PRDM16: variants seen among roughly 807,000 people sequenced by gnomAD.
PRDM16 encodes PR/SET domain 16.
PRDM16 carries 23 observed loss-of-function variants against 110.6 expected under a neutral mutation model. The ratio of observed to expected loss-of-function variants is 0.21; its 90% CI spans 0.15 to 0.29. The LOEUF is 0.29. Among genes scored for constraint, PRDM16 ranks in the 10% least tolerant of loss-of-function variants. The pLI is 1.00. For synonymous variants in PRDM16, 799 were observed against 781.8 expected, an observed-to-expected ratio of 1.02 and a Z score of -0.37; for missense variants, 1,615 against 1,794.3, an observed-to-expected ratio of 0.90 and a Z score of 1.81.
chr1:3,435,815 G>T lies in PRDM16; in HGVS notation c.*2004G>T, dbSNP rs1638893326. On this transcript the variant is annotated 3_prime_UTR_variant, in exon 17 of 17. Transcript: ENST00000270722. ...GGCTTGCACTGAAGACGTGCCACGGGGAGGCTCCTGCAGGAGGCTCAACCC... is the reference window on the plus strand; with the variant it reads ...GGCTTGCACTGAAGACGTGCCACGGTGAGGCTCCTGCAGGAGGCTCAACCC... The T allele has an allele frequency of 4.3e-6, 1 of 232,264 alleles. No homozygotes were observed. The highest frequency in any genetic ancestry group is 6.1e-5 in the East Asian group (1 of 16,456). The allele number at this position is 232,264 out of a possible 1,614,324, so 14.4% of individuals were successfully genotyped here.
intron 2 of PRDM16, among the ~76,000 whole-genome samples, chr1:3,200,115 G>C (rs1381526051): frequency 2.6e-5 from 4 of 152,376 alleles, no homozygotes; most frequent in East Asian, 3.9e-4. Context: ...AGGCTCACCT[G>C]TCTTTCCAGT....
At chr1:3,276,924 C>T (rs1640599147) in intron 3 of PRDM16, among the ~76,000 whole-genome samples, 1 of 152,150 alleles carries the variant, frequency 6.6e-6, no homozygotes, top group Non-Finnish European at 1.5e-5. Context: ...GCCATCTTCT[C>T]CCCATCCCCC....
intron 10 of PRDM16, among the ~76,000 whole-genome samples, chr1:3,416,575 A>C (rs921175062): frequency 2.6e-5 from 4 of 152,162 alleles, no homozygotes; most frequent in South Asian, 4.1e-4. Flanking sequence ...TCCCAGTGAC[A>C]CCAGCACCTG....
chr1:3,188,338 G>A (rs890799292), intron 2 of PRDM16, among the ~76,000 whole-genome samples: 11 of 151,074 alleles, frequency 7.3e-5, no homozygotes, highest in African/African-American at 2.7e-4. Context: ...AGGTGACTTT[G>A]TTCTTGTCTA....
intron 2 of PRDM16, among the ~76,000 whole-genome samples, chr1:3,235,752 G>T (rs892150630): frequency 6.6e-6 from 1 of 152,156 alleles, no homozygotes; most frequent in Non-Finnish European, 1.5e-5. Flanking sequence ...GGTGTGGGGG[G>T]TCCCTGCCAT....
At chr1:3,405,413 A>G (rs879168008) in intron 7 of PRDM16, 82 bp from the exon 8 acceptor site, 3 of 1,415,450 alleles carry the variant, frequency 2.1e-6, no homozygotes, top group Non-Finnish European at 2.8e-6. Context: ...CCTGCCCCCC[A>G]CAGCCGGTTG....
chr1:3,381,396 T>C (rs1643099280), intron 3 of PRDM16, among the ~76,000 whole-genome samples: 1 of 150,514 alleles, frequency 6.6e-6, no homozygotes, highest in Non-Finnish European at 1.5e-5. Flanking sequence ...CTTGTTTTTT[T>C]CTGGTTTTTT....
chr1:3,295,380 C>T (rs575098836), intron 3 of PRDM16, among the ~76,000 whole-genome samples: 36 of 151,076 alleles, frequency 2.4e-4, no homozygotes, highest in East Asian at 1.4e-3. Flanking sequence ...GGCTCCTCAC[C>T]GCGGCTGGTC....
intron 3 of PRDM16, among the ~76,000 whole-genome samples, chr1:3,327,295 G>A (rs1280024131): frequency 3.3e-5 from 5 of 152,166 alleles, no homozygotes; most frequent in South Asian, 4.1e-4. Flanking sequence ...TGGAGGAGGC[G>A]GCACCACAGG....
chr1:3,409,833 G>GC (rs1643644465), intron 8 of PRDM16, among the ~76,000 whole-genome samples: 2 of 145,852 alleles, frequency 1.4e-5, no homozygotes, highest in East Asian at 2.1e-4. Flanking sequence ...GGTTGTGTGT[G>GC]GGTGTGTGGT....
At chr1:3,134,347 T>G (rs1643393832) in intron 1 of PRDM16, among the ~76,000 whole-genome samples, 1 of 152,220 alleles carries the variant, frequency 6.6e-6, no homozygotes, top group Non-Finnish European at 1.5e-5. Flanking sequence ...GACGCAGGCC[T>G]GGGGACGGAC....
intron 1 of PRDM16, among the ~76,000 whole-genome samples, chr1:3,114,496 ACACGCG>A (rs1156317881): frequency 1.3e-5 from 2 of 150,260 alleles, no homozygotes; most frequent in African/African-American, 4.9e-5. Flanking sequence ...ACGCACGCAC[ACACGCG>A]CATGCACACA....
At chr1:3,249,733 G>A (rs1396619004) in intron 3 of PRDM16, among the ~76,000 whole-genome samples, 1 of 152,220 alleles carries the variant, frequency 6.6e-6, no homozygotes, top group Non-Finnish European at 1.5e-5. Context: ...GTAAGCCGCG[G>A]ACAAAAGGCT....
chr1:3,218,567 G>A (rs1409991707), intron 2 of PRDM16, among the ~76,000 whole-genome samples: 1 of 152,216 alleles, frequency 6.6e-6, no homozygotes, highest in East Asian at 1.9e-4. Context: ...AGTTTTGAAT[G>A]GCTACACCTG....
In PRDM16 at chr1:3,409,826, T is replaced by TGTGTGG. The variant is rs1491103295; in HGVS notation, c.1187-1553_1187-1552insGGTGTG. ...TGGTGTATGTGTGCATGTGTGTGGT[T>TGTGTGG]GTGTGTGGGTGTGTGGTGTGGGTGT... On this transcript the variant is annotated intron_variant, in intron 8 of 16. Coordinates refer to ENST00000270722, the MANE Select transcript of PRDM16 (RefSeq NM_022114.4). Among the ~76,000 whole-genome samples, 435 of 136,966 alleles carry TGTGTGG rather than the reference T, an allele frequency of 3.2e-3. 2 individuals are homozygous for TGTGTGG. Among genetic ancestry groups the TGTGTGG allele is most frequent in the African/African-American group, 0.011 (404 of 36,070 alleles). 89.9% of individuals were successfully genotyped at this position (136,966 alleles called of 152,430 possible).
At chr1:3,142,075 G>A (rs1643561642) in intron 1 of PRDM16, among the ~76,000 whole-genome samples, 1 of 152,240 alleles carries the variant, frequency 6.6e-6, no homozygotes. Context: ...CAGGAGCTGG[G>A]AGCACTTCTG....
rs962846577 is a variant in PRDM16, at chr1:3,382,151, G to A, written c.439-3001G>A. ...CCTAAGAGGCCTTTGTGCCTGGGGA[G>A]GGGCCTCACCACGTGGGGCTGGTGG... is the stretch of plus-strand genomic sequence containing the variant. On this transcript the variant is annotated intron_variant, in intron 3 of 16. Transcript: ENST00000270722. This position sits in a 1 kb window ranked among gnomAD's most constrained non-coding sequence, Gnocchi z 6.6. 1.3e-5 allele frequency among the ~76,000 whole-genome samples: 2 copies of A among 152,234 alleles called. No individual in the cohort carries two copies. The highest frequency in any genetic ancestry group is 2.1e-4 in the South Asian group (1 of 4,836).
At chr1:3,107,425 T>G (rs1642683758) in intron 1 of PRDM16, among the ~76,000 whole-genome samples, 1 of 152,160 alleles carries the variant, frequency 6.6e-6, no homozygotes, top group South Asian at 2.1e-4. Flanking sequence ...GGCTCGGGAT[T>G]TGGAAGCCAG....
chr1:3,155,184 GC>G (rs997217820), intron 1 of PRDM16, among the ~76,000 whole-genome samples: 1 of 152,232 alleles, frequency 6.6e-6, no homozygotes, highest in Admixed American at 6.5e-5. Flanking sequence ...TCCAGGAAGG[GC>G]CCCGGGAGAG....
Sources: gnomAD v4.1 joint callset for allele counts (sites outside exome capture counted in the v4.1 genomes callset) on GRCh38, gnomAD v4.1.1 for gene constraint, Gnocchi (gnomAD v3.1) non-coding constraint, MANE v1.5 for transcripts, NCBI Gene and HGNC (gene_info 2026-07-23, HGNC 2026-07-21) for gene names.